RARB: variants seen among roughly 807,000 people sequenced by gnomAD.
RARB encodes HBV-activated protein.
Under a neutral mutation model 51.9 loss-of-function variants are expected in RARB, and 17 were observed. That is an observed-to-expected ratio of 0.33 (90% CI 0.22 to 0.49). RARB has a LOEUF of 0.49. Ranked by LOEUF, RARB falls within the 20% of genes least tolerant of loss-of-function variation. RARB has a pLI of 0.99. For synonymous variants in RARB, 215 were observed against 195.4 expected, an observed-to-expected ratio of 1.10 and a Z score of -0.84; for missense variants, 369 against 550.8, an observed-to-expected ratio of 0.67 and a Z score of 3.30.
intron 5 of RARB, among the ~76,000 whole-genome samples, chr3:25,350,149 C>T (rs1705518046): frequency 6.6e-6 from 1 of 152,124 alleles, no homozygotes; most frequent in Non-Finnish European, 1.5e-5. Flanking sequence ...GCTTCCATTA[C>T]ATTCTGCTGG....
intron 5 of RARB, among the ~76,000 whole-genome samples, chr3:25,248,486 T>G (rs1395432523): frequency 6.6e-6 from 1 of 152,232 alleles, no homozygotes; most frequent in Non-Finnish European, 1.5e-5. Flanking sequence ...TTTCTGTAGT[T>G]GTAACCATTG....
At chr3:25,297,220 A>G (rs1703934761) in intron 5 of RARB, among the ~76,000 whole-genome samples, 1 of 152,180 alleles carries the variant, frequency 6.6e-6, no homozygotes, top group African/African-American at 2.4e-5. Context: ...AATGGTTAAC[A>G]AATAACTCAG....
chr3:25,407,240 A>G (rs1363192177), intron 5 of RARB, among the ~76,000 whole-genome samples: 1 of 152,210 alleles, frequency 6.6e-6, no homozygotes, highest in Non-Finnish European at 1.5e-5. Context: ...AGACGTCACT[A>G]CAAACAAACA....
intron 5 of RARB, among the ~76,000 whole-genome samples, chr3:25,307,684 T>C (rs17016166): frequency 0.05 from 7,659 of 152,244 alleles, 511 homozygotes; most frequent in African/African-American, 0.15. Flanking sequence ...TGGACAGAGA[T>C]GAGTAGGTCC....
At chr3:25,283,755 G>C (rs1275690401) in intron 5 of RARB, among the ~76,000 whole-genome samples, 1 of 152,182 alleles carries the variant, frequency 6.6e-6, no homozygotes, top group Non-Finnish European at 1.5e-5. Flanking sequence ...CCCTTCTAAG[G>C]GGGCAGTTTG....
intron 3 of RARB, among the ~76,000 whole-genome samples, chr3:25,086,535 C>A (rs966570651): frequency 6.6e-6 from 1 of 152,130 alleles, no homozygotes; most frequent in African/African-American, 2.4e-5. Context: ...ATATGAGTGA[C>A]CGTGGCTGGT....
chr3:24,973,456 T>C (rs894670572), intron 2 of RARB, among the ~76,000 whole-genome samples: 1 of 152,080 alleles, frequency 6.6e-6, no homozygotes, highest in African/African-American at 2.4e-5. Context: ...TTGAGGTCTT[T>C]TATGTTTCTA....
rs185151736 is a variant in RARB at position 25,392,017 on chromosome 3, G to A, written c.179-69176G>A. Among the ~76,000 whole-genome samples the A allele has an allele frequency of 1.3e-3, 192 of 152,144 alleles. 1 individual carries two copies. Among genetic ancestry groups the A allele is most frequent in the Admixed American group, 3.4e-3 (52 of 15,270 alleles). ...GATGTTATCTTCTAGAATTTTTATC[G>A]TTCCAGGTCTTAGATTTAAGTCCTT... On this transcript the variant is annotated intron_variant, in intron 5 of 11. Transcript: ENST00000383772.
intron 4 of RARB, among the ~76,000 whole-genome samples, chr3:25,157,376 G>GTATA (rs112023953): frequency 3.3e-4 from 40 of 121,260 alleles, no homozygotes; most frequent in Admixed American, 5.9e-4. Flanking sequence ...GTGTGTGTGT[G>GTATA]TGTGTATATA....
intron 4 of RARB, among the ~76,000 whole-genome samples, chr3:25,161,795 C>T (rs1377791091): frequency 6.6e-6 from 1 of 152,182 alleles, no homozygotes; most frequent in Non-Finnish European, 1.5e-5. Flanking sequence ...AAAATGTCTT[C>T]TAGATATTCC....
intron 2 of RARB, among the ~76,000 whole-genome samples, chr3:24,970,433 G>A (rs1476184455): frequency 2.0e-5 from 3 of 151,914 alleles, no homozygotes; most frequent in African/African-American, 7.3e-5. Flanking sequence ...AGTCCATACT[G>A]GGGAGTCTAC....
intron 5 of RARB, among the ~76,000 whole-genome samples, chr3:25,333,857 A>G (rs1050142781): frequency 6.6e-6 from 1 of 152,226 alleles, no homozygotes; most frequent in Non-Finnish European, 1.5e-5. Context: ...CCCATCACAA[A>G]GTGGGCAAAG....
At chr3:24,883,971 T>G (rs1356527913) in intron 2 of RARB, among the ~76,000 whole-genome samples, 1 of 152,202 alleles carries the variant, frequency 6.6e-6, no homozygotes, top group Non-Finnish European at 1.5e-5. Flanking sequence ...TTTTGGGTAT[T>G]GTTACATTTG....
At chr3:25,101,716 C>T (rs980750791) in intron 3 of RARB, among the ~76,000 whole-genome samples, 6 of 150,878 alleles carry the variant, frequency 4.0e-5, no homozygotes, top group African/African-American at 1.2e-4. Context: ...TCCATAGATG[C>T]TTTGCAGTGG....
intron 2 of RARB, among the ~76,000 whole-genome samples, chr3:25,006,116 A>G (rs1434218468): frequency 6.6e-6 from 1 of 152,104 alleles, no homozygotes; most frequent in East Asian, 1.9e-4. Context: ...CAAATGTTGT[A>G]TTATCAGAAA....
chr3:25,119,418 G>C (rs373709791), intron 3 of RARB, among the ~76,000 whole-genome samples: 1 of 152,150 alleles, frequency 6.6e-6, no homozygotes, highest in African/African-American at 2.4e-5. Flanking sequence ...AAGTAGTAGT[G>C]TATGCTCCAT....
At chr3:24,883,234 G>C (rs1481598345) in intron 2 of RARB, among the ~76,000 whole-genome samples, 1 of 152,134 alleles carries the variant, frequency 6.6e-6, no homozygotes, top group African/African-American at 2.4e-5. Context: ...CCAAAAGCAA[G>C]TTGCATTTTA....
At chr3:24,884,574 A>G (rs1003097208) in intron 2 of RARB, among the ~76,000 whole-genome samples, 8 of 152,246 alleles carry the variant, frequency 5.3e-5, no homozygotes, top group Admixed American at 6.5e-5. Flanking sequence ...TTAAAAATCT[A>G]TTTTAGTGCT....
intron 5 of RARB, among the ~76,000 whole-genome samples, chr3:25,390,340 C>T (rs116470044): frequency 0.038 from 5,771 of 152,190 alleles, 137 homozygotes; most frequent in Middle Eastern, 0.071. Flanking sequence ...TGTGAGGACA[C>T]AGAGAAGACT....
Sources: allele counts gnomAD v4.1 joint callset (sites outside exome capture counted in the v4.1 genomes callset), GRCh38; gene constraint gnomAD v4.1.1; transcripts MANE v1.5; gene names NCBI Gene and HGNC (gene_info 2026-07-23, HGNC 2026-07-21).